Variants in SPATA6 observed in about 807,000 individuals in gnomAD.
The protein encoded by SPATA6 is spermatogenesis associated 6, also known as spermatogenesis-associated protein 6.
In SPATA6, 56 loss-of-function variants were observed where a neutral mutation model predicts 65.3. The ratio of observed to expected loss-of-function variants is 0.86; its 90% CI spans 0.69 to 1.07. SPATA6 has a LOEUF of 1.07. Among genes scored for constraint, SPATA6 ranks in the 50% least tolerant of loss-of-function variants. The probability of loss-of-function intolerance (pLI) is 0.00; values close to 1 mark genes in which losing one functional copy is unlikely to be tolerated. For missense variants in SPATA6, 590 were observed against 594.8 expected (o/e 0.99, Z 0.08); for synonymous variants, 199 against 213.2 (o/e 0.93, Z 0.58).
the SPATA6 span, among the ~76,000 whole-genome samples, chr1:48,284,641 G>C: frequency 5.3e-5 from 8 of 152,272 alleles, no homozygotes; most frequent in African/African-American, 1.9e-4. Context: ...TGTTGATGGT[G>C]ATGCTATTCT....
intron 11 of SPATA6, among the ~76,000 whole-genome samples, chr1:48,345,866 C>T (rs1006658832): frequency 7.2e-5 from 11 of 151,802 alleles, no homozygotes; most frequent in Non-Finnish European, 1.3e-4. Context: ...CTAACAACAA[C>T]AAAAAACCTC....
At chr1:48,457,894 G>A (rs1299260172) in intron 1 of SPATA6, among the ~76,000 whole-genome samples, 1 of 151,580 alleles carries the variant, frequency 6.6e-6, no homozygotes, top group East Asian at 1.9e-4. Flanking sequence ...TTTATTTCAA[G>A]ACAATTACAG....
At chr1:48,361,565 T>A (rs540613319) in intron 9 of SPATA6, among the ~76,000 whole-genome samples, 2 of 152,150 alleles carry the variant, frequency 1.3e-5, no homozygotes, top group Non-Finnish European at 2.9e-5. Flanking sequence ...ACTACAATAG[T>A]GAACAAAACA....
intron 3 of SPATA6, among the ~76,000 whole-genome samples, chr1:48,424,637 CT>C (rs1653666897): frequency 6.6e-6 from 1 of 152,166 alleles, no homozygotes; most frequent in Non-Finnish European, 1.5e-5. Flanking sequence ...TCTCCACATC[CT>C]TACCAGCATT....
At chr1:48,388,418 CA>C (rs1275257544) in intron 8 of SPATA6, among the ~76,000 whole-genome samples, 5 of 151,912 alleles carry the variant, frequency 3.3e-5, no homozygotes, top group African/African-American at 1.2e-4. Context: ...AATGTAAGGA[CA>C]AAGAAAAAAT....
At chr1:48,455,320 A>T (rs1344350383) in intron 1 of SPATA6, among the ~76,000 whole-genome samples, 1 of 152,178 alleles carries the variant, frequency 6.6e-6, no homozygotes, top group African/African-American at 2.4e-5. Flanking sequence ...GCATGTTGAA[A>T]GGATATTTTG....
At chr1:48,431,849 G>C (rs766186793) in intron 3 of SPATA6, among the ~76,000 whole-genome samples, 3 of 152,188 alleles carry the variant, frequency 2.0e-5, no homozygotes, top group Non-Finnish European at 4.4e-5. Flanking sequence ...AGCGACTCAC[G>C]CATGTAATCC....
At chr1:48,379,183 T>C (rs1245446666) in intron 9 of SPATA6, among the ~76,000 whole-genome samples, 2 of 152,130 alleles carry the variant, frequency 1.3e-5, no homozygotes, top group Non-Finnish European at 2.9e-5. Flanking sequence ...ACATCTTACA[T>C]GGTGGCAGGC....
intron 3 of SPATA6, chr1:48,436,500 T>C: frequency 6.2e-7 from 1 of 1,610,932 alleles, no homozygotes; most frequent in South Asian, 1.1e-5. Context: ...TGTACCAAAA[T>C]GGCTGTATTC....
At chr1:48,323,078 C>T (rs1645645596) in intron 11 of SPATA6, among the ~76,000 whole-genome samples, 4 of 152,130 alleles carry the variant, frequency 2.6e-5, no homozygotes, top group Admixed American at 2.6e-4. Flanking sequence ...TGGGTATATA[C>T]CCAAAGGATT....
chr1:48,312,558 A>T (rs898201281), intron 11 of SPATA6, among the ~76,000 whole-genome samples: 8 of 152,340 alleles, frequency 5.3e-5, no homozygotes, highest in Admixed American at 5.2e-4. Flanking sequence ...CGTCACCATC[A>T]TCAAAGATCA....
chr1:48,358,168 A>G (rs1646709768), intron 10 of SPATA6, among the ~76,000 whole-genome samples: 1 of 152,130 alleles, frequency 6.6e-6, no homozygotes, highest in African/African-American at 2.4e-5. Flanking sequence ...TTTTGAATAT[A>G]GCCTCAATGA....
chr1:48,356,787 G>A (rs1570274612), intron 10 of SPATA6, among the ~76,000 whole-genome samples: 1 of 152,000 alleles, frequency 6.6e-6, no homozygotes, highest in Admixed American at 6.6e-5. Context: ...ACAGGCATGA[G>A]CCCAGTTTGT....
At chr1:48,283,069 A>G in the SPATA6 span, among the ~76,000 whole-genome samples, 1 of 151,828 alleles carries the variant, frequency 6.6e-6, no homozygotes, top group African/African-American at 2.4e-5. Context: ...CATTCTCAGT[A>G]AACTATCGCA....
the SPATA6 span, among the ~76,000 whole-genome samples, chr1:48,265,254 TTTTATTTTATATTTA>T: frequency 6.6e-6 from 1 of 151,786 alleles, no homozygotes; most frequent in Non-Finnish European, 1.5e-5. Context: ...ATCTTATTTA[TTTTATTTTATATTTA>T]TTTATTTTAT....
chr1:48,280,799 T>C, the SPATA6 span, among the ~76,000 whole-genome samples: 9 of 151,938 alleles, frequency 5.9e-5, no homozygotes, highest in East Asian at 7.7e-4. Flanking sequence ...TTCCAATCAA[T>C]AGAAAAAGAG....
At chr1:48,330,381 G>T (rs1197950450) in intron 11 of SPATA6, among the ~76,000 whole-genome samples, 1 of 152,228 alleles carries the variant, frequency 6.6e-6, no homozygotes, top group Admixed American at 6.5e-5. Flanking sequence ...TGTGAGGTCA[G>T]CTGGAGGGTG....
the SPATA6 span, among the ~76,000 whole-genome samples, chr1:48,277,335 G>C: frequency 6.6e-6 from 1 of 152,114 alleles, no homozygotes; most frequent in Non-Finnish European, 1.5e-5. Context: ...GTGCAGGACA[G>C]TGGGTGCAGC....
chr1:48,287,255 T>C, the SPATA6 span, among the ~76,000 whole-genome samples: 3 of 152,094 alleles, frequency 2.0e-5, no homozygotes, highest in African/African-American at 4.8e-5. Flanking sequence ...GAGAACTCAC[T>C]ATCACAGGGA....
Sources: allele counts gnomAD v4.1 joint callset (sites outside exome capture counted in the v4.1 genomes callset), GRCh38; gene constraint gnomAD v4.1.1; transcripts MANE v1.5; gene names NCBI Gene and HGNC (gene_info 2026-07-23, HGNC 2026-07-21).